The following TMEM117 variants were observed in gnomAD, a reference collection of about 807,000 sequenced individuals.
TMEM117 encodes transmembrane protein 117.
In TMEM117, 27 loss-of-function variants were observed where a neutral mutation model predicts 52.4. The ratio of observed to expected loss-of-function variants is 0.51; its 90% CI spans 0.38 to 0.71. TMEM117 has a LOEUF of 0.71. TMEM117 is among the 30% of genes least tolerant of loss of function. The pLI, the probability that TMEM117 is intolerant of heterozygous loss-of-function variation, is 0.00. For missense variants in TMEM117, 556 were observed against 630.5 expected, an observed-to-expected ratio of 0.88 and a Z score of 1.26; for synonymous variants, 215 against 206.3, an observed-to-expected ratio of 1.04 and a Z score of -0.36.
chr12:43,940,449 C>T (rs942180242), intron 2 of TMEM117, among the ~76,000 whole-genome samples: 41 of 152,248 alleles, frequency 2.7e-4, no homozygotes, highest in African/African-American at 9.6e-4. Context: ...AACACAGCAG[C>T]AAAAAGGCCA....
chr12:44,280,147 T>C (rs1406780455), intron 5 of TMEM117, among the ~76,000 whole-genome samples: 1 of 152,192 alleles, frequency 6.6e-6, no homozygotes, highest in Non-Finnish European at 1.5e-5. Flanking sequence ...TAACTTTCAT[T>C]TGAAAGATTC....
intron 3 of TMEM117, among the ~76,000 whole-genome samples, chr12:44,138,888 C>T (rs12297933): frequency 0.27 from 41,065 of 152,110 alleles, 10,005 homozygotes; most frequent in African/African-American, 0.66. Flanking sequence ...AATCATTTCA[C>T]TACAAACACA....
intron 6 of TMEM117, among the ~76,000 whole-genome samples, chr12:44,332,740 C>G (rs1301924819): frequency 6.6e-6 from 1 of 150,438 alleles, no homozygotes; most frequent in Non-Finnish European, 1.5e-5. Flanking sequence ...CACACACACA[C>G]ACACACACAG....
At chr12:44,137,219 C>T (rs752942171) in intron 3 of TMEM117, among the ~76,000 whole-genome samples, 25 of 151,464 alleles carry the variant, frequency 1.7e-4, no homozygotes, top group Non-Finnish European at 3.2e-4. Context: ...GAGGTATAGT[C>T]AAAGTATTAT....
intron 6 of TMEM117, among the ~76,000 whole-genome samples, chr12:44,375,113 C>G (rs185688612): frequency 6.6e-6 from 1 of 152,218 alleles, no homozygotes; most frequent in East Asian, 1.9e-4. Context: ...TGCACGTTAA[C>G]CTCAGCAATA....
intron 3 of TMEM117, among the ~76,000 whole-genome samples, chr12:44,036,929 A>C (rs1182043481): frequency 6.6e-6 from 1 of 152,182 alleles, no homozygotes; most frequent in East Asian, 1.9e-4. Context: ...AATTTCCCTG[A>C]TTACAAATGA....
At chr12:43,971,712 C>T (rs1287148506) in intron 3 of TMEM117, among the ~76,000 whole-genome samples, 2 of 152,190 alleles carry the variant, frequency 1.3e-5, no homozygotes, top group Non-Finnish European at 2.9e-5. Context: ...CATGTCCCTC[C>T]CACCTCCAGT....
chr12:43,808,836 G>A, the TMEM117 span, among the ~76,000 whole-genome samples: 206 of 132,008 alleles, frequency 1.6e-3, 2 homozygotes, highest in South Asian at 2.6e-3. Context: ...AAAAAAAAAA[G>A]GAGCTACTAC....
At chr12:44,236,598 AT>A (rs1949999964) in intron 5 of TMEM117, among the ~76,000 whole-genome samples, 1 of 152,124 alleles carries the variant, frequency 6.6e-6, no homozygotes, top group African/African-American at 2.4e-5. Context: ...ATATTTGAAC[AT>A]TTTGAGTGAA....
intron 3 of TMEM117, among the ~76,000 whole-genome samples, chr12:43,972,375 T>C (rs894186564): frequency 1.3e-5 from 2 of 152,180 alleles, no homozygotes; most frequent in Non-Finnish European, 2.9e-5. Flanking sequence ...CCGTGGACCT[T>C]TGCGGTGAGT....
chr12:44,007,046 C>A (rs919945528), intron 3 of TMEM117, among the ~76,000 whole-genome samples: 5 of 152,178 alleles, frequency 3.3e-5, no homozygotes, highest in African/African-American at 1.2e-4. Context: ...AGTCCCCTTT[C>A]AAATAACACT....
At chr12:43,899,496 A>G (rs61930718) in intron 2 of TMEM117, among the ~76,000 whole-genome samples, 10,017 of 152,312 alleles carry the variant, frequency 0.066, 382 homozygotes, top group Middle Eastern at 0.14. Flanking sequence ...TATCATGATC[A>G]TTCTGAAGAA....
intron 3 of TMEM117, among the ~76,000 whole-genome samples, chr12:44,139,285 G>T (rs1948537341): frequency 6.6e-6 from 1 of 152,122 alleles, no homozygotes; most frequent in Non-Finnish European, 1.5e-5. Flanking sequence ...CTAATAGACT[G>T]AAGTGAACTG....
intron 3 of TMEM117, among the ~76,000 whole-genome samples, chr12:44,044,110 G>T (rs146101462): frequency 6.6e-6 from 1 of 152,224 alleles, no homozygotes; most frequent in African/African-American, 2.4e-5. Flanking sequence ...ACTCATCCCA[G>T]CTGGGAAGGT....
At chr12:43,842,721 A>AACACAC (rs145707134) in intron 1 of TMEM117, among the ~76,000 whole-genome samples, 5 of 149,740 alleles carry the variant, frequency 3.3e-5, no homozygotes, top group African/African-American at 9.8e-5. Flanking sequence ...ATTCTTTCTC[A>AACACAC]ACACACACAC....
chr12:44,185,150 T>C (rs572834331), intron 4 of TMEM117, among the ~76,000 whole-genome samples: 1 of 152,342 alleles, frequency 6.6e-6, no homozygotes, highest in African/African-American at 2.4e-5. Context: ...TTTGTCTGTA[T>C]TCCCCTTCAG....
At chr12:44,197,522 A>AT (rs199644915) in intron 4 of TMEM117, among the ~76,000 whole-genome samples, 4,632 of 151,576 alleles carry the variant, frequency 0.031, 163 homozygotes, top group African/African-American at 0.083. Context: ...TGGTGTAAAT[A>AT]TTTTTTTTTC....
At chr12:44,392,328 G>A (rs1051144779), downstream of TMEM117, among the ~76,000 whole-genome samples, 1 of 152,092 alleles carries the variant, frequency 6.6e-6, no homozygotes, top group African/African-American at 2.4e-5. Flanking sequence ...AAAAACAGCA[G>A]TTTTACTTTA....
At chr12:44,035,870 A>G (rs1946702057) in intron 3 of TMEM117, among the ~76,000 whole-genome samples, 1 of 152,172 alleles carries the variant, frequency 6.6e-6, no homozygotes, top group Non-Finnish European at 1.5e-5. Flanking sequence ...ATCACACCTG[A>G]AGAGAAAGGA....
Sources: gnomAD v4.1 joint callset for allele counts (sites outside exome capture counted in the v4.1 genomes callset) on GRCh38, gnomAD v4.1.1 for gene constraint, MANE v1.5 for transcripts, NCBI Gene and HGNC (gene_info 2026-07-23, HGNC 2026-07-21) for gene names.